ANO2: variants seen among roughly 807,000 people sequenced by gnomAD.
ANO2 encodes anoctamin 2.
In ANO2, 101 loss-of-function variants were observed where a neutral mutation model predicts 124.2. That is an observed-to-expected ratio of 0.81 (90% confidence interval 0.69 to 0.96). The LOEUF is 0.96. Among genes scored for constraint, ANO2 ranks in the 40% least tolerant of loss-of-function variants. The pLI, the probability that ANO2 is intolerant of heterozygous loss-of-function variation, is 0.00. For synonymous variants in ANO2, 486 were observed against 482.5 expected, an observed-to-expected ratio of 1.01 and a Z score of -0.09; for missense variants, 1,293 against 1,274.5, an observed-to-expected ratio of 1.01 and a Z score of -0.22.
chr12:5,707,328 A>T (rs924228056), intron 14 of ANO2, among the ~76,000 whole-genome samples: 1 of 152,208 alleles, frequency 6.6e-6, no homozygotes, highest in East Asian at 1.9e-4. Flanking sequence ...CCTTTCCTTT[A>T]TAAACTACTC....
intron 14 of ANO2, among the ~76,000 whole-genome samples, chr12:5,683,758 T>TTAGA (rs1190165127): frequency 6.6e-6 from 1 of 151,638 alleles, no homozygotes; most frequent in African/African-American, 2.4e-5. Flanking sequence ...TAAGAGAACT[T>TTAGA]TAGAGGAGGG....
chr12:5,617,152 A>AC, intron 16 of ANO2, among the ~76,000 whole-genome samples: 1 of 151,672 alleles, frequency 6.6e-6, no homozygotes, highest in East Asian at 1.9e-4. Flanking sequence ...ACAGTGTACC[A>AC]ACCTCTCCAG....
In ANO2 at chr12:5,921,292, G is replaced by A. The variant is rs1199117997; in HGVS notation, c.282C>T (p.Asp94=). The A allele has an allele frequency of 6.2e-7, 1 of 1,614,020 alleles. No homozygotes were observed. Among genetic ancestry groups the A allele is most frequent in the African/African-American group, 1.3e-5 (1 of 75,042 alleles). The part of the protein sequence containing the change: ...EARLSRMHFH[D]SQRKVDYVLA... ...GTACATAGTCGACCTTCCTCTGACT[G>A]TCATGGAAGTGCATGCGGCTAAGAC... The change falls in exon 3 of 25, where the codon GAC becomes GAT. Residue 94 remains aspartate (D), a synonymous_variant. Transcript: ENST00000682330.
intron 3 of ANO2, among the ~76,000 whole-genome samples, 165 bp downstream of exon 3, chr12:5,920,875 T>A (rs546232814): frequency 1.3e-3 from 192 of 151,710 alleles, no homozygotes; most frequent in African/African-American, 4.4e-3. Flanking sequence ...TCAAAAAAAA[T>A]TTTTTTTAAA....
At chr12:5,911,556 A>G (rs900269584) in intron 3 of ANO2, among the ~76,000 whole-genome samples, 1 of 152,224 alleles carries the variant, frequency 6.6e-6, no homozygotes, top group Non-Finnish European at 1.5e-5. Flanking sequence ...AGCACGGGTG[A>G]TACTCAAGAT....
chr12:5,564,030 T>C (rs1045446612), intron 24 of ANO2, among the ~76,000 whole-genome samples: 2 of 152,210 alleles, frequency 1.3e-5, no homozygotes, highest in Non-Finnish European at 2.9e-5. Flanking sequence ...GTGCCACTTG[T>C]TCCTCTCCTC....
chr12:5,848,403 A>C (rs1954755459), intron 4 of ANO2, among the ~76,000 whole-genome samples: 1 of 150,742 alleles, frequency 6.6e-6, no homozygotes, highest in Non-Finnish European at 1.5e-5. Flanking sequence ...GTCCTTTTAC[A>C]ACCAAAATTC....
intron 14 of ANO2, among the ~76,000 whole-genome samples, chr12:5,695,250 C>T (rs564344582): frequency 1.5e-4 from 23 of 152,030 alleles, no homozygotes; most frequent in African/African-American, 3.6e-4. Context: ...CTTTTAACTA[C>T]GACTTTGAAC....
rs370105650 is a variant in ANO2 at position 5,655,141 on chromosome 12, GA to G, written c.1546-7341del. On this transcript the variant is annotated intron_variant, in intron 14 of 24. Coordinates refer to ENST00000682330, the MANE Select transcript of ANO2 (RefSeq NM_001364791.2). The stretch of plus-strand genomic sequence containing the variant: ...TTACATAACCTCACTTTTTTATTGG[GA>G]AAAAAAAACTCAAGATCATCATGTG... 6.7e-5 allele frequency among the ~76,000 whole-genome samples: 10 copies of G among 149,948 alleles called. No individual in the cohort carries two copies. The East Asian group carries it at 7.8e-4, about 12-fold the overall frequency.
Position 5,789,714 on chromosome 12 carries a change from GT to G in ANO2, c.1055+9792del, listed in dbSNP as rs1952643004. On this transcript the variant is annotated intron_variant, in intron 10 of 24. Coordinates refer to ENST00000682330, the MANE Select transcript of ANO2 (RefSeq NM_001364791.2). ...GTGTATTTTTTTTCCTTTCTTATGT[GT>G]GTGACTTCCAGACCCACAGAATGCT... Among the ~76,000 whole-genome samples, 6 of 152,142 alleles carry G rather than the reference GT, an allele frequency of 3.9e-5. No individual in the cohort carries two copies. The South Asian group carries it at 1.2e-3, about 32-fold the overall frequency.
At chr12:5,785,376 G>C (rs1285130765) in intron 10 of ANO2, among the ~76,000 whole-genome samples, 2 of 152,002 alleles carry the variant, frequency 1.3e-5, no homozygotes, top group African/African-American at 4.8e-5. Context: ...GGGGTCACAG[G>C]GTTGGGCATG....
intron 10 of ANO2, among the ~76,000 whole-genome samples, chr12:5,773,483 G>A (rs191443414): frequency 6.4e-4 from 97 of 152,304 alleles, no homozygotes; most frequent in Middle Eastern, 3.4e-3. Context: ...TCTTAGATCA[G>A]AAGATTTATA....
At chr12:5,619,255 G>A (rs1053881598) in intron 16 of ANO2, among the ~76,000 whole-genome samples, 2 of 152,188 alleles carry the variant, frequency 1.3e-5, no homozygotes, top group African/African-American at 2.4e-5. Flanking sequence ...TTACTTTGCC[G>A]AGCATCTTCA....
rs1952022875 is a variant in ANO2, at chr12:5,769,972, G to A, written c.1056-19002C>T. Among the ~76,000 whole-genome samples, 1 of 152,194 alleles carries A rather than the reference G, an allele frequency of 6.6e-6. No individual in the cohort carries two copies. Among genetic ancestry groups the A allele is most frequent in the Non-Finnish European group, 1.5e-5 (1 of 68,026 alleles). ...TGTACAAAATTCACAAGCCTGTGTG[G>A]CAGCCCGAGAAGGAGAGATACTGTC... On this transcript the variant is annotated intron_variant, in intron 10 of 24. Coordinates refer to ENST00000682330, the MANE Select transcript of ANO2 (RefSeq NM_001364791.2). This position sits in a 1 kb window ranked among gnomAD's most constrained non-coding sequence, Gnocchi z 4.0.
intron 9 of ANO2, among the ~76,000 whole-genome samples, chr12:5,804,935 G>C (rs2137170541): frequency 6.6e-6 from 1 of 152,252 alleles, no homozygotes; most frequent in Middle Eastern, 3.4e-3. Context: ...AAAAATTAGA[G>C]AGTGGGAGGA....
intron 2 of ANO2, among the ~76,000 whole-genome samples, chr12:5,921,837 T>C (rs997758082): frequency 1.6e-4 from 24 of 152,072 alleles, no homozygotes; most frequent in Non-Finnish European, 2.9e-5. Context: ...GAGTGCGCTC[T>C]AACACACACA....
At chr12:5,676,605 T>C (rs1489953378) in intron 14 of ANO2, among the ~76,000 whole-genome samples, 1 of 152,196 alleles carries the variant, frequency 6.6e-6, no homozygotes, top group African/African-American at 2.4e-5. Context: ...GTTTCCATTT[T>C]TTTTTCCTGC....
chr12:5,826,730 G>A (rs1470869193), intron 7 of ANO2, among the ~76,000 whole-genome samples: 8 of 152,036 alleles, frequency 5.3e-5, no homozygotes, highest in Non-Finnish European at 1.0e-4. Context: ...AACCCATTCT[G>A]ATTCCTTCTC....
In ANO2 at chr12:5,941,183, T is replaced by C. The variant is rs569261949; in HGVS notation, c.22+4013A>G. The stretch of plus-strand genomic sequence containing the variant: ...AATGCTTTAAACTAGATTGCGGTGA[T>C]GGTTGAACAACTCTGTGAATATACC... On this transcript the variant is annotated intron_variant, in intron 1 of 24. Coordinates refer to ENST00000682330, the MANE Select transcript of ANO2 (RefSeq NM_001364791.2). Among the ~76,000 whole-genome samples, 4 of 152,350 alleles carry C rather than the reference T, an allele frequency of 2.6e-5. No homozygotes were observed. In the East Asian group the frequency reaches 7.7e-4, roughly 29 times the overall value.
Sources: gnomAD v4.1 joint callset for allele counts (sites outside exome capture counted in the v4.1 genomes callset) on GRCh38, gnomAD v4.1.1 for gene constraint, Gnocchi (gnomAD v3.1) non-coding constraint, MANE v1.5 for transcripts, NCBI Gene and HGNC (gene_info 2026-07-23, HGNC 2026-07-21) for gene names.